JARID2: variants seen among roughly 807,000 people sequenced by gnomAD.
The protein encoded by JARID2 is protein Jumonji.
A neutral mutation model predicts 125.6 loss-of-function variants in JARID2; 21 were observed. That is an observed-to-expected ratio of 0.17 (90% confidence interval 0.12 to 0.24). The LOEUF (loss-of-function observed/expected upper bound fraction) is 0.24, where lower values mean the gene tolerates loss of function less well. JARID2 is among the 10% of genes least tolerant of loss of function. The pLI, the probability that JARID2 is intolerant of heterozygous loss-of-function variation, is 1.00. For missense variants in JARID2, 1,303 were observed against 1,639.6 expected (o/e 0.79, Z 3.55); for synonymous variants, 736 against 661.6 (o/e 1.11, Z -1.73).
chr6:15,473,727 G>GCC (rs1191474334), intron 5 of JARID2, among the ~76,000 whole-genome samples: 1 of 152,188 alleles, frequency 6.6e-6, no homozygotes, highest in Non-Finnish European at 1.5e-5. Flanking sequence ...ATCCCCACAA[G>GCC]CCACTACCTG....
chr6:15,468,642 C>G lies in JARID2; in HGVS notation c.594C>G (p.Ala198=), dbSNP rs1349933656. 1 of 1,613,884 alleles carries G rather than the reference C, an allele frequency of 6.2e-7. No individual in the cohort carries two copies. Among genetic ancestry groups the G allele is most frequent in the Non-Finnish European group, 8.5e-7 (1 of 1,179,958 alleles). ...EDDETEDVKT[A]TNNASSSCQS... Reference sequence around the variant, plus strand: ...ATGAGACAGAAGACGTCAAAACAGCCACCAACAATGCTTCATCTTCATGCC... The same window carrying G: ...ATGAGACAGAAGACGTCAAAACAGCGACCAACAATGCTTCATCTTCATGCC... Residue 198 remains alanine, a synonymous_variant, in exon 5 of 18, where the codon GCC becomes GCG. Transcript: ENST00000341776.
At chr6:15,509,179 T>C (rs1771155281) in intron 12 of JARID2, 2 of 1,279,572 alleles carry the variant, frequency 1.6e-6, no homozygotes, top group South Asian at 2.5e-5. Context: ...TGACTCTCAC[T>C]GCACCCATCC....
intron 1 of JARID2, among the ~76,000 whole-genome samples, chr6:15,317,467 T>C (rs544364952): frequency 6.6e-6 from 1 of 152,280 alleles, no homozygotes; most frequent in African/African-American, 2.4e-5. Flanking sequence ...TAAGAGTAAT[T>C]TCCCCCAAAA....
chr6:15,445,924 C>A (rs1402121444), intron 3 of JARID2, among the ~76,000 whole-genome samples: 1 of 152,114 alleles, frequency 6.6e-6, no homozygotes. Flanking sequence ...CAGTTTTATT[C>A]TTAACGAAAC....
At position 15,406,948 on chromosome 6, in the gene JARID2, T is replaced by C. The variant is rs575282767; in HGVS notation, c.182-3276T>C. Among the ~76,000 whole-genome samples, 13 of 152,268 alleles carry C rather than the reference T, an allele frequency of 8.5e-5. 1 individual carries two copies. The highest frequency in any genetic ancestry group is 3.3e-4 in the Admixed American group (5 of 15,288). On this transcript the variant is annotated intron_variant, in intron 2 of 17. Coordinates refer to ENST00000341776, the MANE Select transcript of JARID2 (RefSeq NM_004973.4). The stretch of plus-strand genomic sequence containing the variant: ...TTTTGCAGGCAAGTGTCTTTTTTTT[T>C]CTGCAAAATTATTGATAAAAGGTAC...
intron 1 of JARID2, among the ~76,000 whole-genome samples, chr6:15,321,113 A>G (rs1191410642): frequency 6.6e-6 from 1 of 152,180 alleles, no homozygotes; most frequent in African/African-American, 2.4e-5. Flanking sequence ...TTGGAAGAAA[A>G]TAACTAGATC....
chr6:15,330,544 G>A (rs997723481), intron 1 of JARID2, among the ~76,000 whole-genome samples: 3 of 152,166 alleles, frequency 2.0e-5, no homozygotes, highest in Non-Finnish European at 4.4e-5. Context: ...ATATGACTTA[G>A]GTTGGCAATC....
Position 15,496,913 on chromosome 6 carries a change from C to T in JARID2, c.1688C>T (p.Ser563Phe), listed in dbSNP as rs1178362050. 3.1e-6 allele frequency: 5 copies of T among 1,601,928 alleles called. No individual in the cohort carries two copies. In the South Asian group the frequency reaches 4.5e-5, roughly 14 times the overall value. The change falls in exon 7 of 18, where the codon TCC (serine) becomes TTC (phenylalanine). Residue 563 changes from serine (S) to phenylalanine (F), a missense_variant. This residue lies in a region of JARID2 where 651 missense variants were observed against 581.6 expected (regional missense o/e 1.12). Transcript: ENST00000341776. ...AMDEIPVLRP[S>F]AKEFHDPLIY... ...GACGAGATCCCCGTCCTCAGGCCCT[C>T]CGCCAAGGAGTTCCACGATCCGCTC...
chr6:15,413,962 G>A (rs1766015931), intron 3 of JARID2, among the ~76,000 whole-genome samples: 1 of 152,196 alleles, frequency 6.6e-6, no homozygotes, highest in South Asian at 2.1e-4. Context: ...CATAATTTAT[G>A]TATGTGCTTT....
In JARID2 at chr6:15,471,762, C is replaced by A. The variant is rs139728878; in HGVS notation, c.670+3044C>A. ...ATGTGCAGGGGCAGTGACTATCTGGCAGCATGTTACATGGAGCATATGAAA... is the reference window on the plus strand; with the variant it reads ...ATGTGCAGGGGCAGTGACTATCTGGAAGCATGTTACATGGAGCATATGAAA... On this transcript the variant is annotated intron_variant, in intron 5 of 17. Coordinates refer to ENST00000341776, the MANE Select transcript of JARID2 (RefSeq NM_004973.4). 6.2e-3 allele frequency among the ~76,000 whole-genome samples: 948 copies of A among 152,166 alleles called. 20 individuals are homozygous for A. Among genetic ancestry groups the A allele is most frequent in the Non-Finnish European group, 3.2e-3 (218 of 67,992 alleles).
chr6:15,493,049 G>A (rs1367093099), intron 6 of JARID2, among the ~76,000 whole-genome samples: 4 of 152,194 alleles, frequency 2.6e-5, no homozygotes, highest in African/African-American at 9.6e-5. Context: ...GTGATATATA[G>A]AATTCAGCTG....
intron 2 of JARID2, among the ~76,000 whole-genome samples, chr6:15,396,704 T>C (rs13195950): frequency 0.19 from 29,413 of 152,162 alleles, 3,470 homozygotes; most frequent in Non-Finnish European, 0.27. Context: ...AAGTTATGAA[T>C]TGTTTATTTT....
rs189426483 is a variant in JARID2, at chr6:15,503,121, C to T, written c.2449-1379C>T. 2.7e-3 allele frequency among the ~76,000 whole-genome samples: 412 copies of T among 152,178 alleles called. 1 individual carries two copies. The highest frequency in any genetic ancestry group is 7.8e-3 in the East Asian group (40 of 5,098). On this transcript the variant is annotated intron_variant, in intron 8 of 17. Transcript: ENST00000341776. The stretch of plus-strand genomic sequence containing the variant: ...ATCACGGAAATATAGTGGAGCTCTG[C>T]GTGGTGGCCATGGCGAAGCCCCCAG...
Position 15,413,907 on chromosome 6 carries a change from C to T in JARID2, c.323+3542C>T, listed in dbSNP as rs117554519. Among the ~76,000 whole-genome samples, 142 of 152,302 alleles carry T rather than the reference C, an allele frequency of 9.3e-4. 1 individual carries two copies. The East Asian group carries it at 0.023, about 24-fold the overall frequency. On this transcript the variant is annotated intron_variant, in intron 3 of 17. Transcript: ENST00000341776. Reference sequence around the variant, plus strand: ...ACTGTTGGATTAGGGATTAGGTTTCCAACACATGAACTTTGGGGGCCACAT... The same window carrying T: ...ACTGTTGGATTAGGGATTAGGTTTCTAACACATGAACTTTGGGGGCCACAT...
intron 1 of JARID2, among the ~76,000 whole-genome samples, chr6:15,356,473 A>G (rs1215107229): frequency 1.3e-5 from 2 of 152,182 alleles, no homozygotes; most frequent in East Asian, 1.9e-4. Flanking sequence ...GTTCACGTCT[A>G]TGGAATCTTT....
At chr6:15,422,343 C>G (rs1005789752) in intron 3 of JARID2, among the ~76,000 whole-genome samples, 6 of 152,178 alleles carry the variant, frequency 3.9e-5, no homozygotes, top group African/African-American at 1.4e-4. Flanking sequence ...ATTCACCTTT[C>G]CCATGGAAAT....
chr6:15,257,600 T>C (rs887758433), intron 1 of JARID2, among the ~76,000 whole-genome samples: 4 of 152,202 alleles, frequency 2.6e-5, no homozygotes, highest in Admixed American at 2.6e-4. Context: ...CACGTGTCTG[T>C]TTGCACTCAA....
intron 2 of JARID2, among the ~76,000 whole-genome samples, chr6:15,395,028 C>G: frequency 6.6e-6 from 1 of 151,150 alleles, no homozygotes; most frequent in African/African-American, 2.4e-5. Context: ...GAAATTTTTG[C>G]TTCTGTCATT....
At chr6:15,408,148 C>T (rs974109486) in intron 2 of JARID2, among the ~76,000 whole-genome samples, 1 of 152,036 alleles carries the variant, frequency 6.6e-6, no homozygotes, top group African/African-American at 2.4e-5. Context: ...TCTGCGGTCT[C>T]AGCTGAGGCA....
Sources: allele counts gnomAD v4.1 joint callset (sites outside exome capture counted in the v4.1 genomes callset), GRCh38; gene constraint gnomAD v4.1.1; regional missense constraint gnomAD v4.1.1; transcripts MANE v1.5; gene names NCBI Gene and HGNC (gene_info 2026-07-23, HGNC 2026-07-21).